The following VPS33B variants were observed in gnomAD, a reference collection of about 807,000 sequenced individuals.
VPS33B encodes VPS33B late endosome and lysosome associated, also known as vacuolar protein sorting-associated protein 33B.
Under a neutral mutation model 95.3 loss-of-function variants are expected in VPS33B, and 80 were observed. That is an observed-to-expected ratio of 0.84 (90% CI 0.70 to 1.01). The LOEUF (loss-of-function observed/expected upper bound fraction) is 1.01, where lower values mean the gene tolerates loss of function less well. Ranked by LOEUF, VPS33B falls within the 50% of genes least tolerant of loss-of-function variation. The probability of loss-of-function intolerance (pLI) is 0.00; values close to 1 mark genes in which losing one functional copy is unlikely to be tolerated. For synonymous variants in VPS33B, 280 were observed against 280.4 expected (o/e 1.00, Z 0.01); for missense variants, 715 against 773.4 (o/e 0.92, Z 0.90).
rs2040611845 is a variant in VPS33B at position 91,006,603 on chromosome 15, G to A, written c.778+49C>T. 14 of 1,612,528 alleles carry A rather than the reference G, an allele frequency of 8.7e-6. No homozygotes were observed. Among genetic ancestry groups the A allele is most frequent in the Non-Finnish European group, 1.2e-5 (14 of 1,178,630 alleles). On this transcript the variant is annotated intron_variant, in intron 10 of 22. Coordinates refer to ENST00000333371, the MANE Select transcript of VPS33B (RefSeq NM_018668.5). The surrounding 1 kb of genome is among the most constrained non-coding windows in gnomAD (Gnocchi z 5.4). Reference sequence around the variant, plus strand: ...CCTGCCCCACGTGGGAGGTGCCAAGGCTGATGACCCGTCCATCTTGCCAAG... The same window carrying A: ...CCTGCCCCACGTGGGAGGTGCCAAGACTGATGACCCGTCCATCTTGCCAAG...
At chr15:91,001,593 C>T (rs975982279) in intron 18 of VPS33B, 131 bp from the exon 19 acceptor site, 17 of 782,342 alleles carry the variant, frequency 2.2e-5, no homozygotes, top group Non-Finnish European at 3.8e-5. Context: ...AACTATAATT[C>T]CCTGGAACTA....
In VPS33B at chr15:91,007,189, C is replaced by A; in HGVS notation, c.604-143G>T. The A allele has an allele frequency of 1.1e-6, 1 of 885,480 alleles. No individual in the cohort carries two copies. The highest frequency in any genetic ancestry group is 2.5e-5 in the East Asian group (1 of 39,920). The allele number at this position is 885,480 out of a possible 1,614,324, so 54.9% of individuals were successfully genotyped here. A position where few individuals can be genotyped will look rare whatever the true frequency, so the allele number is the denominator to read the frequency against. ...TATTCACAATATGGCCCTATCTACTCCCGTCTGTGTCTATCTTTCCCCAAC... is the reference window on the plus strand; with the variant it reads ...TATTCACAATATGGCCCTATCTACTACCGTCTGTGTCTATCTTTCCCCAAC... On this transcript the variant is annotated intron_variant, in intron 8 of 22. Transcript: ENST00000333371. The surrounding 1 kb of genome is among the most constrained non-coding windows in gnomAD (Gnocchi z 5.3).
rs768322543 is a variant in VPS33B, at chr15:91,009,806, T to A, written c.398A>T (p.Tyr133Phe). 4 of 1,614,158 alleles carry A rather than the reference T, an allele frequency of 2.5e-6. No homozygotes were observed. The highest frequency in any genetic ancestry group is 3.4e-6 in the Non-Finnish European group (4 of 1,179,998). Reference protein sequence around the residue: ...CEMVLEEEGIYGDVSCDEWAF... With the variant: ...CEMVLEEEGIFGDVSCDEWAF... ...TCACATTCATCTCCTCTCACCTCCA[T>A]AGATTCCCTCTTCCTCAAGCACCAT... Residue 133 changes from tyrosine to phenylalanine, a missense_variant, in exon 6 of 23, where the codon TAT (tyrosine) becomes TTT (phenylalanine). Tyr to Phe is a conservative substitution (Grantham distance 22). Coordinates refer to ENST00000333371, the MANE Select transcript of VPS33B (RefSeq NM_018668.5). This position sits in a 1 kb window ranked among gnomAD's most constrained non-coding sequence, Gnocchi z 4.1.
Position 91,018,956 on chromosome 15 carries a change from A to T in VPS33B, c.97-1071T>A, listed in dbSNP as rs1471627773. On this transcript the variant is annotated intron_variant, in intron 1 of 22. Coordinates refer to ENST00000333371, the MANE Select transcript of VPS33B (RefSeq NM_018668.5). This position sits in a 1 kb window ranked among gnomAD's most constrained non-coding sequence, Gnocchi z 4.7. ...CAGCCTCCCGAGTAGCTGAGATTACAGGTGCCTGCCACCACACCTGGCTAA... is the reference window on the plus strand; with the variant it reads ...CAGCCTCCCGAGTAGCTGAGATTACTGGTGCCTGCCACCACACCTGGCTAA... Among the ~76,000 whole-genome samples, 1 of 151,730 alleles carries T rather than the reference A, an allele frequency of 6.6e-6. No homozygotes were observed. Among genetic ancestry groups the T allele is most frequent in the Non-Finnish European group, 1.5e-5 (1 of 67,972 alleles).
In VPS33B at chr15:91,022,387, C is replaced by T. The variant is rs1206704692; in HGVS notation, c.-138G>A. Reference sequence around the variant, plus strand: ...CAGAGACCCCAGATGGGCCCTCGCTCCTCAGCAGCACTCCAGGAATGAATG... The same window carrying T: ...CAGAGACCCCAGATGGGCCCTCGCTTCTCAGCAGCACTCCAGGAATGAATG... On this transcript the variant is annotated 5_prime_UTR_variant, in exon 1 of 23. Transcript: ENST00000333371. The T allele has an allele frequency of 3.9e-6, 3 of 765,020 alleles. No individual in the cohort carries two copies. The highest frequency in any genetic ancestry group is 1.8e-5 in the African/African-American group (1 of 56,888). 47.4% of individuals were successfully genotyped at this position (765,020 alleles called of 1,614,324 possible).
rs2040390435 is a variant in VPS33B, at chr15:91,000,012, C to T, written c.1582-37G>A. The T allele has an allele frequency of 1.2e-6, 2 of 1,612,538 alleles. No individual in the cohort carries two copies. The highest frequency in any genetic ancestry group is 1.7e-6 in the Non-Finnish European group (2 of 1,178,980). On this transcript the variant is annotated intron_variant, in intron 20 of 22. Coordinates refer to ENST00000333371, the MANE Select transcript of VPS33B (RefSeq NM_018668.5). This position sits in a 1 kb window ranked among gnomAD's most constrained non-coding sequence, Gnocchi z 4.9. Reference sequence around the variant, plus strand: ...TAAGCACTGTTTTTAAGGCTACAGACAGTATCAGGCTTAGGAAAGGAAGGG... The same window carrying T: ...TAAGCACTGTTTTTAAGGCTACAGATAGTATCAGGCTTAGGAAAGGAAGGG...
Position 91,007,626 on chromosome 15 carries a change from T to G in VPS33B, c.499-53A>C. ...TATGAATCAACCCAGTAGGACCACC[T>G]GGAAAGTGGCTAGCCCTAGAAGCCC... On this transcript the variant is annotated intron_variant, in intron 7 of 22. Coordinates refer to ENST00000333371, the MANE Select transcript of VPS33B (RefSeq NM_018668.5). The surrounding 1 kb of genome is among the most constrained non-coding windows in gnomAD (Gnocchi z 5.3). 1 of 1,589,684 alleles carries G rather than the reference T, an allele frequency of 6.3e-7. No individual in the cohort carries two copies. Among genetic ancestry groups the G allele is most frequent in the East Asian group, 2.2e-5 (1 of 44,742 alleles).
chr15:91,000,716 G>A lies in VPS33B; in HGVS notation c.1480-125C>T. ...TCAACTAAAGGGAGAACCAGCAATA[G>A]CCCTGAAAAGAGAATCCATAACGGA... On this transcript the variant is annotated intron_variant, in intron 19 of 22. Transcript: ENST00000333371. This position sits in a 1 kb window ranked among gnomAD's most constrained non-coding sequence, Gnocchi z 4.9. The A allele has an allele frequency of 1.2e-6, 1 of 812,062 alleles. No homozygotes were observed. The highest frequency in any genetic ancestry group is 2.1e-5 in the Admixed American group (1 of 47,716). The allele number at this position is 812,062 out of a possible 1,614,324, so 50.3% of individuals were successfully genotyped here. A position where few individuals can be genotyped will look rare whatever the true frequency, so the allele number is the denominator to read the frequency against.
At position 90,999,812 on chromosome 15, in the gene VPS33B, A is replaced by G. The variant is rs949595210; in HGVS notation, c.1658-19T>C. On this transcript the variant is annotated intron_variant, in intron 21 of 22. Coordinates refer to ENST00000333371, the MANE Select transcript of VPS33B (RefSeq NM_018668.5). This position sits in a 1 kb window ranked among gnomAD's most constrained non-coding sequence, Gnocchi z 5.1. ...GTCATATCTGTGAGGATCAGACCAGATTCAGCCCTTCCCTGACATGCTAGT... is the reference window on the plus strand; with the variant it reads ...GTCATATCTGTGAGGATCAGACCAGGTTCAGCCCTTCCCTGACATGCTAGT... The G allele has an allele frequency of 4.3e-6, 7 of 1,613,952 alleles. No homozygotes were observed. The highest frequency in any genetic ancestry group is 5.9e-6 in the Non-Finnish European group (7 of 1,179,992).
Position 91,007,511 on chromosome 15 carries a change from A to G in VPS33B, c.561T>C (p.Tyr187=). 2.5e-6 allele frequency: 4 copies of G among 1,614,236 alleles called. No individual in the cohort carries two copies. Among genetic ancestry groups the G allele is most frequent in the Non-Finnish European group, 3.4e-6 (4 of 1,180,026 alleles). Reference sequence around the variant, plus strand: ...TTCCATAGCAGTTTGGAAAGGGTCCATAGAGAGTGCTGAGAAGGTGTAAGG... The same window carrying G: ...TTCCATAGCAGTTTGGAAAGGGTCCGTAGAGAGTGCTGAGAAGGTGTAAGG... ...AQALHLLSTL[Y]GPFPNCYGIG... The change falls in exon 8 of 23, where the codon TAT becomes TAC. Residue 187 remains tyrosine (Y), a synonymous_variant. Transcript: ENST00000333371. The surrounding 1 kb of genome is among the most constrained non-coding windows in gnomAD (Gnocchi z 5.3).
rs1434713183 is a variant in VPS33B, at chr15:91,009,595, T to C, written c.403+206A>G. Among the ~76,000 whole-genome samples, 2 of 152,052 alleles carry C rather than the reference T, an allele frequency of 1.3e-5. No homozygotes were observed. The highest frequency in any genetic ancestry group is 2.1e-4 in the South Asian group (1 of 4,812). Reference sequence around the variant, plus strand: ...TGCTGGGATTACAGGCATGAGCCACTGCGCCCAGCCCCCAGTAGTGTTCTA... The same window carrying C: ...TGCTGGGATTACAGGCATGAGCCACCGCGCCCAGCCCCCAGTAGTGTTCTA... On this transcript the variant is annotated intron_variant, in intron 6 of 22. Transcript: ENST00000333371. This position sits in a 1 kb window ranked among gnomAD's most constrained non-coding sequence, Gnocchi z 4.1.
In VPS33B at chr15:91,007,985, A is replaced by G; in HGVS notation, c.404-21T>C. 1 of 1,612,422 alleles carries G rather than the reference A, an allele frequency of 6.2e-7. No homozygotes were observed. The highest frequency in any genetic ancestry group is 8.5e-7 in the Non-Finnish European group (1 of 1,178,434). On this transcript the variant is annotated intron_variant, in intron 6 of 22. Transcript: ENST00000333371. This position sits in a 1 kb window ranked among gnomAD's most constrained non-coding sequence, Gnocchi z 5.3. ...CACATCTGTGGGGACAGAGAGCATC[A>G]GCCTCCCTGCAGAAGGTACTTAGCT... is the stretch of plus-strand genomic sequence containing the variant.
chr15:91,002,348 G>A lies in VPS33B; in HGVS notation c.1273-166C>T, dbSNP rs943732675. 1.3e-5 allele frequency among the ~76,000 whole-genome samples: 2 copies of A among 152,174 alleles called. No homozygotes were observed. Among genetic ancestry groups the A allele is most frequent in the Non-Finnish European group, 2.9e-5 (2 of 68,018 alleles). On this transcript the variant is annotated intron_variant, in intron 17 of 22. Coordinates refer to ENST00000333371, the MANE Select transcript of VPS33B (RefSeq NM_018668.5). This position sits in a 1 kb window ranked among gnomAD's most constrained non-coding sequence, Gnocchi z 4.7. ...CATCAGAAATAACCAAACAGGGCTGGGAGCGGTGGCTCATGCCTGTAATCC... is the reference window on the plus strand; with the variant it reads ...CATCAGAAATAACCAAACAGGGCTGAGAGCGGTGGCTCATGCCTGTAATCC...
chr15:91,006,685 C>A lies in VPS33B; in HGVS notation c.745G>T (p.Gly249Cys). Residue 249 changes from glycine (G) to cysteine (C), a missense_variant, in exon 10 of 23, where the codon GGC (glycine) becomes TGC (cysteine). Coordinates refer to ENST00000333371, the MANE Select transcript of VPS33B (RefSeq NM_018668.5). The surrounding 1 kb of genome is among the most constrained non-coding windows in gnomAD (Gnocchi z 5.4). ...TALCSQVVYE[G>C]LVDDTFRIKC... ...ATGCGGAAGGTGTCATCTACTAGGC[C>A]CTCATAAACCACTTGGGAGCAAAGT... is the stretch of plus-strand genomic sequence containing the variant. 1 of 1,614,126 alleles carries A rather than the reference C, an allele frequency of 6.2e-7. No individual in the cohort carries two copies. Among genetic ancestry groups the A allele is most frequent in the East Asian group, 2.2e-5 (1 of 44,880 alleles).
At position 91,007,569 on chromosome 15, in the gene VPS33B, C is replaced by G. The variant is rs775655591; in HGVS notation, c.503G>C (p.Gly168Ala). The change falls in exon 8 of 23, where the codon GGA (glycine) becomes GCA (alanine). Residue 168 changes from glycine to alanine, a missense_variant. Physicochemically the swap from Gly to Ala is moderately conservative, Grantham distance 60. Coordinates refer to ENST00000333371, the MANE Select transcript of VPS33B (RefSeq NM_018668.5). This position sits in a 1 kb window ranked among gnomAD's most constrained non-coding sequence, Gnocchi z 5.3. ...PEFFRDYFLE[G>A]DQRWINTVAQ... ...TACAGTGTTGATCCAACGCTGATCT[C>G]CTTCCTGCAGGGACCACACAAGCCA... 3 of 1,614,040 alleles carry G rather than the reference C, an allele frequency of 1.9e-6. No homozygotes were observed. In the South Asian group the frequency reaches 3.3e-5, roughly 18 times the overall value.
chr15:91,007,955 C>T lies in VPS33B; in HGVS notation c.413G>A (p.Cys138Tyr). 1 of 1,614,216 alleles carries T rather than the reference C, an allele frequency of 6.2e-7. No homozygotes were observed. The highest frequency in any genetic ancestry group is 1.3e-5 in the African/African-American group (1 of 75,062). ...CAGCAAAGAGAAGGCCCATTCATCA[C>T]AGCTCACATCTGTGGGGACAGAGAG... ...EEEGIYGDVS[C>Y]DEWAFSLLPL... Residue 138 changes from cysteine to tyrosine, a missense_variant, in exon 7 of 23, where the codon TGT (cysteine) becomes TAT (tyrosine). Coordinates refer to ENST00000333371, the MANE Select transcript of VPS33B (RefSeq NM_018668.5). This position sits in a 1 kb window ranked among gnomAD's most constrained non-coding sequence, Gnocchi z 5.3.
Position 91,007,747 on chromosome 15 carries a change from C to T in VPS33B, c.498+123G>A. The T allele has an allele frequency of 8.6e-7, 1 of 1,164,700 alleles. No individual in the cohort carries two copies. The highest frequency in any genetic ancestry group is 1.3e-6 in the Non-Finnish European group (1 of 775,538). 72.1% of individuals were successfully genotyped at this position (1,164,700 alleles called of 1,614,324 possible). On this transcript the variant is annotated intron_variant, in intron 7 of 22. Coordinates refer to ENST00000333371, the MANE Select transcript of VPS33B (RefSeq NM_018668.5). This position sits in a 1 kb window ranked among gnomAD's most constrained non-coding sequence, Gnocchi z 5.3. ...ACCAATCTGTAGCACTCAATCACCA[C>T]ATCACTATCACTTGTGATAAATTAC... is the stretch of plus-strand genomic sequence containing the variant.
Position 90,999,798 on chromosome 15 carries a change from G to T in VPS33B, c.1658-5C>A. 1 of 1,614,042 alleles carries T rather than the reference G, an allele frequency of 6.2e-7. No homozygotes were observed. The highest frequency in any genetic ancestry group is 8.5e-7 in the Non-Finnish European group (1 of 1,180,000). On this transcript the variant is annotated splice_region_variant and splice_polypyrimidine_tract_variant and intron_variant, in intron 21 of 22. Coordinates refer to ENST00000333371, the MANE Select transcript of VPS33B (RefSeq NM_018668.5). The surrounding 1 kb of genome is among the most constrained non-coding windows in gnomAD (Gnocchi z 5.1). ...CCTTGTCTTCCTTAGTCATATCTGTGAGGATCAGACCAGATTCAGCCCTTC... is the reference window on the plus strand; with the variant it reads ...CCTTGTCTTCCTTAGTCATATCTGTTAGGATCAGACCAGATTCAGCCCTTC...
chr15:91,012,360 C>G (rs900068490), intron 5 of VPS33B, among the ~76,000 whole-genome samples: 2 of 152,142 alleles, frequency 1.3e-5, no homozygotes, highest in African/African-American at 4.8e-5. Context: ...CACTTGATTT[C>G]TTATTTCAAC....
Sources: allele counts gnomAD v4.1 joint callset (sites outside exome capture counted in the v4.1 genomes callset), GRCh38; gene constraint gnomAD v4.1.1; non-coding constraint Gnocchi (gnomAD v3.1); transcripts MANE v1.5; gene names NCBI Gene and HGNC (gene_info 2026-07-23, HGNC 2026-07-21).